Variants in CARHSP1 observed in about 807,000 individuals in gnomAD.
CARHSP1 encodes calcium regulated heat stable protein 1.
CARHSP1 carries 14 observed loss-of-function variants against 12.5 expected under a neutral mutation model. The ratio of observed to expected loss-of-function variants is 1.12; its 90% CI spans 0.74 to 1.75. The LOEUF is 1.75. Among genes scored for constraint, CARHSP1 ranks in the 40% most tolerant of loss-of-function variants. CARHSP1 has a pLI of 0.00. For missense variants in CARHSP1, 343 were observed against 201.6 expected, an observed-to-expected ratio of 1.70 and a Z score of -4.25; for synonymous variants, 161 against 82.0, an observed-to-expected ratio of 1.96 and a Z score of -5.20.
intron 1 of CARHSP1, among the ~76,000 whole-genome samples, chr16:8,865,199 C>A (rs906824904): frequency 2.6e-5 from 4 of 152,162 alleles, no homozygotes; most frequent in Admixed American, 6.5e-5. Context: ...GACCCCCGCC[C>A]CCCAGGTTCA....
In CARHSP1 at chr16:8,863,076, G is replaced by C. The variant is rs1011854557; in HGVS notation, c.-7-3741C>G. Among the ~76,000 whole-genome samples the C allele has an allele frequency of 6.0e-5, 9 of 150,320 alleles. No individual in the cohort carries two copies. In the East Asian group the frequency reaches 1.8e-3, roughly 29 times the overall value. The stretch of plus-strand genomic sequence containing the variant: ...CAGCACAGGCACTGGCACAGAGCAG[G>C]GTCTCCAGACGGTCCAGGAATGGCC... On this transcript the variant is annotated intron_variant, in intron 1 of 3. Transcript: ENST00000311052.
chr16:8,861,515 C>G, intron 1 of CARHSP1: 1 of 985,854 alleles, frequency 1.0e-6, no homozygotes, highest in Non-Finnish European at 1.4e-6. Context: ...ACCCAAGAAC[C>G]AGGCCCGACT....
Position 8,855,170 on chromosome 16 carries a change from G to C in CARHSP1, c.438C>G (p.Ser146Arg), listed in dbSNP as rs762955858. 2.3e-5 allele frequency: 37 copies of C among 1,595,888 alleles called. No individual in the cohort carries two copies. Among genetic ancestry groups the C allele is most frequent in the African/African-American group, 4.0e-5 (3 of 74,404 alleles). ...GGGGTGCTTCCACCATCTCCTAGGA[G>C]CTGATGACATGTCCAGACCAGGTCT... ...KHETWSGHVISS is the reference protein window; with the variant it reads ...KHETWSGHVIRS The change falls in exon 4 of 4, where the codon AGC (serine) becomes AGG (arginine). Residue 146 changes from serine to arginine, a missense_variant. Physicochemically the swap from Ser to Arg is moderately radical, Grantham distance 110. Coordinates refer to ENST00000311052, the MANE Select transcript of CARHSP1 (RefSeq NM_014316.4).
intron 1 of CARHSP1, chr16:8,860,120 G>T: frequency 1.0e-6 from 1 of 985,070 alleles, no homozygotes; most frequent in Non-Finnish European, 1.2e-6. Context: ...CGCAGTGTCC[G>T]CCTCCAGGGA....
At chr16:8,865,026 C>G (rs1473182042) in intron 1 of CARHSP1, among the ~76,000 whole-genome samples, 2 of 152,204 alleles carry the variant, frequency 1.3e-5, no homozygotes, top group African/African-American at 4.8e-5. Flanking sequence ...GCCAAGCAGC[C>G]CTGTGCTTAC....
intron 1 of CARHSP1, chr16:8,860,456 A>G (rs2061316708): frequency 5.1e-6 from 5 of 985,428 alleles, no homozygotes; most frequent in Non-Finnish European, 6.0e-6. Context: ...TGAACATTGA[A>G]TATGAAGGTG....
chr16:8,856,724 C>CT (rs1460537056), intron 3 of CARHSP1, among the ~76,000 whole-genome samples: 10 of 152,160 alleles, frequency 6.6e-5, no homozygotes, highest in Non-Finnish European at 1.5e-4. Context: ...GAGTAGGACT[C>CT]TGTCTGCCCC....
At chr16:8,861,833 A>G (rs2061364640) in intron 1 of CARHSP1, 6 of 1,194,248 alleles carry the variant, frequency 5.0e-6, no homozygotes, top group Non-Finnish European at 6.4e-6. Context: ...GAGTTCCAGG[A>G]AAGAGGCTGG....
intron 1 of CARHSP1, among the ~76,000 whole-genome samples, chr16:8,863,568 TA>T (rs1326333022): frequency 2.0e-5 from 3 of 152,284 alleles, no homozygotes; most frequent in Admixed American, 6.5e-5. Flanking sequence ...CAGACGTGAC[TA>T]GGGGCGGGGG....
At chr16:8,865,587 G>A (rs577156828) in intron 1 of CARHSP1, among the ~76,000 whole-genome samples, 53 of 152,332 alleles carry the variant, frequency 3.5e-4, no homozygotes, top group South Asian at 8.3e-4. Context: ...GGAAGGCCAG[G>A]GTTGGGCATG....
chr16:8,856,617 C>A (rs1219360937), intron 3 of CARHSP1, among the ~76,000 whole-genome samples: 2 of 143,310 alleles, frequency 1.4e-5, no homozygotes, highest in African/African-American at 5.1e-5. Context: ...GATAGGTAAG[C>A]ATGGGGCGGG....
chr16:8,854,375 C>G lies in CARHSP1; in HGVS notation c.*789G>C, dbSNP rs1039259610. ...TCCCACCACCACCACCCCAGCCCCC[C>G]GCCGCCATAATTACAGGGGCTGTGA... On this transcript the variant is annotated 3_prime_UTR_variant, in exon 4 of 4. Coordinates refer to ENST00000311052, the MANE Select transcript of CARHSP1 (RefSeq NM_014316.4). 1 of 152,310 alleles carries G rather than the reference C, an allele frequency of 6.6e-6. No homozygotes were observed. The highest frequency in any genetic ancestry group is 6.5e-5 in the Admixed American group (1 of 15,302). 9.4% of individuals were successfully genotyped at this position (152,310 alleles called of 1,614,324 possible). A position where few individuals can be genotyped will look rare whatever the true frequency, so the allele number is the denominator to read the frequency against.
At chr16:8,859,357 A>G (rs1403304852) in intron 1 of CARHSP1, 22 bp from the exon 2 acceptor site, 5 of 1,589,244 alleles carry the variant, frequency 3.1e-6, no homozygotes, top group East Asian at 2.3e-5. Flanking sequence ...AGAGGCTGTC[A>G]GGGGCTCGTG....
intron 1 of CARHSP1, among the ~76,000 whole-genome samples, chr16:8,861,984 GCTGACTTTTTTTTTTT>G (rs2061368836): frequency 1.2e-5 from 1 of 83,936 alleles, no homozygotes; most frequent in African/African-American, 3.5e-5. Context: ...GTCAAGCATA[GCTGACTTTTTTTTTTT>G]TTTTTTTTTT....
At position 8,858,477 on chromosome 16, in the gene CARHSP1, CAGAG is replaced by C. The variant is rs746087782; in HGVS notation, c.159-9_159-6del. 2.1e-5 allele frequency: 34 copies of C among 1,613,068 alleles called. 1 individual carries two copies. Among genetic ancestry groups the C allele is most frequent in the Admixed American group, 1.8e-4 (11 of 59,926 alleles). Reference sequence around the variant, plus strand: ...CCCTGTGAAGCCCGCACCGTCCTGACAGAGAGGGGGAAATGTCAGGGGCCCCATC... The same window carrying C: ...CCCTGTGAAGCCCGCACCGTCCTGACAGGGGGAAATGTCAGGGGCCCCATC... On this transcript the variant is annotated splice_region_variant and splice_polypyrimidine_tract_variant and intron_variant, in intron 2 of 3. Transcript: ENST00000311052.
chr16:8,860,959 A>C (rs565674486), intron 1 of CARHSP1, among the ~76,000 whole-genome samples: 2 of 151,520 alleles, frequency 1.3e-5, no homozygotes, highest in African/African-American at 4.8e-5. Context: ...CCAAAGCTGG[A>C]GAATTGCTTG....
chr16:8,862,079 T>C (rs1357326366), intron 1 of CARHSP1, among the ~76,000 whole-genome samples: 6 of 144,310 alleles, frequency 4.2e-5, no homozygotes, highest in African/African-American at 1.5e-4. Flanking sequence ...CTCGGCTCAC[T>C]GCAACCTCCA....
chr16:8,868,619 G>C (rs1024848583), intron 1 of CARHSP1: 5 of 151,700 alleles, frequency 3.3e-5, no homozygotes, highest in Non-Finnish European at 5.9e-5. Flanking sequence ...CCCACCGCCC[G>C]GCGAGTCCCC....
Position 8,861,989 on chromosome 16 carries a change from CT to C in CARHSP1, c.-7-2655del, listed in dbSNP as rs537614451. ...TTCTCCTGGAGTCAAGCATAGCTGA[CT>C]TTTTTTTTTTTTTTTTTTTTTTTTT... On this transcript the variant is annotated intron_variant, in intron 1 of 3. Transcript: ENST00000311052. Among the ~76,000 whole-genome samples the C allele has an allele frequency of 3.5e-3, 277 of 79,768 alleles. 1 individual carries two copies. The highest frequency in any genetic ancestry group is 8.9e-3 in the East Asian group (19 of 2,142). 52.3% of individuals were successfully genotyped at this position (79,768 alleles called of 152,430 possible). A position where few individuals can be genotyped will look rare whatever the true frequency, so the allele number is the denominator to read the frequency against.
Sources: gnomAD v4.1 joint callset for allele counts (sites outside exome capture counted in the v4.1 genomes callset) on GRCh38, gnomAD v4.1.1 for gene constraint, MANE v1.5 for transcripts, NCBI Gene and HGNC (gene_info 2026-07-23, HGNC 2026-07-21) for gene names.